The following PTMA variants were observed in gnomAD, a reference collection of about 807,000 sequenced individuals.
The protein encoded by PTMA is gene sequence 28.
PTMA carries 4 observed loss-of-function variants against 16.9 expected under a neutral mutation model. The observed-to-expected ratio is 0.24, with a 90% CI of 0.12 to 0.54. The LOEUF (loss-of-function observed/expected upper bound fraction) is 0.54, where lower values mean the gene tolerates loss of function less well. Among genes scored for constraint, PTMA ranks in the 20% least tolerant of loss-of-function variants. The probability of loss-of-function intolerance (pLI) is 0.95; values close to 1 mark genes in which losing one functional copy is unlikely to be tolerated. For synonymous variants in PTMA, 58 were observed against 47.9 expected, an observed-to-expected ratio of 1.21 and a Z score of -0.87; for missense variants, 120 against 137.7, an observed-to-expected ratio of 0.87 and a Z score of 0.64.
chr2:231,708,604 G>A lies in PTMA; in HGVS notation c.-103G>A, dbSNP rs11558928. On this transcript the variant is annotated 5_prime_UTR_variant, in exon 1 of 5. Transcript: ENST00000409115. ...TGCTCGCCGCAGCCGCCTCCGCCGC[G>A]CGCCTCCTCCGCCGCCGCGGACTCC... The A allele has an allele frequency of 1.0e-4, 147 of 1,464,642 alleles. No homozygotes were observed. In the African/African-American group the frequency reaches 1.8e-3, roughly 18 times the overall value. The allele number at this position is 1,464,642 out of a possible 1,614,324, so 90.7% of individuals were successfully genotyped here. A position where few individuals can be genotyped will look rare whatever the true frequency, so the allele number is the denominator to read the frequency against.
In PTMA at chr2:231,708,579, T is replaced by A; in HGVS notation, c.-128T>A. The A allele has an allele frequency of 6.2e-6, 7 of 1,138,152 alleles. No homozygotes were observed. The highest frequency in any genetic ancestry group is 5.0e-5 in the South Asian group (4 of 80,306). The allele number at this position is 1,138,152 out of a possible 1,614,324, so 70.5% of individuals were successfully genotyped here. A position where few individuals can be genotyped will look rare whatever the true frequency, so the allele number is the denominator to read the frequency against. On this transcript the variant is annotated 5_prime_UTR_variant, in exon 1 of 5. Coordinates refer to ENST00000409115, the MANE Select transcript of PTMA (RefSeq NM_002823.5). ...TTGCATTGTTCCTCATCCGCCTCCT[T>A]GCTCGCCGCAGCCGCCTCCGCCGCG...
chr2:231,709,208 G>A (rs2048483182), intron 1 of PTMA, among the ~76,000 whole-genome samples: 1 of 152,210 alleles, frequency 6.6e-6, no homozygotes, highest in Admixed American at 6.5e-5. Context: ...CGCCGGCCGC[G>A]CTGCTCTTTG....
chr2:231,712,582 G>T (rs1159361290), intron 4 of PTMA, 66 bp downstream of exon 4: 3 of 1,536,534 alleles, frequency 2.0e-6, no homozygotes, highest in Middle Eastern at 1.7e-4. Context: ...TTTAGCTGAG[G>T]TGCTCAAGCT....
intron 4 of PTMA, 44 bp downstream of exon 4, chr2:231,712,560 T>TC (rs753230369): frequency 4.4e-6 from 7 of 1,590,900 alleles, no homozygotes; most frequent in Admixed American, 3.4e-5. Flanking sequence ...CATCTGGGTC[T>TC]CCCCACCTGC....
In PTMA at chr2:231,708,577, C is replaced by T. The variant is rs11558929; in HGVS notation, c.-130C>T. On this transcript the variant is annotated 5_prime_UTR_variant, in exon 1 of 5. Coordinates refer to ENST00000409115, the MANE Select transcript of PTMA (RefSeq NM_002823.5). Reference sequence around the variant, plus strand: ...CTTTGCATTGTTCCTCATCCGCCTCCTTGCTCGCCGCAGCCGCCTCCGCCG... The same window carrying T: ...CTTTGCATTGTTCCTCATCCGCCTCTTTGCTCGCCGCAGCCGCCTCCGCCG... 4.2e-5 allele frequency: 47 copies of T among 1,120,598 alleles called. No individual in the cohort carries two copies. Among genetic ancestry groups the T allele is most frequent in the Non-Finnish European group, 5.4e-5 (41 of 755,830 alleles). The allele number at this position is 1,120,598 out of a possible 1,614,324, so 69.4% of individuals were successfully genotyped here.
At chr2:231,710,478 C>G in intron 1 of PTMA, 1 of 1,066,856 alleles carries the variant, frequency 9.4e-7, no homozygotes, top group Non-Finnish European at 1.2e-6. Flanking sequence ...AGCCGGGGTC[C>G]GCGGAGCGGA....
At chr2:231,709,719 G>C (rs894536248) in intron 1 of PTMA, 1 of 153,152 alleles carries the variant, frequency 6.5e-6, no homozygotes, top group African/African-American at 2.4e-5. Context: ...TGTCGGCGCC[G>C]CCTCGGTCCC....
chr2:231,710,308 G>A, intron 1 of PTMA: 1 of 1,251,538 alleles, frequency 8.0e-7, no homozygotes, highest in Non-Finnish European at 1.0e-6. Context: ...CAAGGCAAGG[G>A]ACGCACTCGG....
chr2:231,710,621 C>A (rs752026450), intron 1 of PTMA: 7 of 468,610 alleles, frequency 1.5e-5, no homozygotes, highest in South Asian at 9.5e-5. Flanking sequence ...GAAAAAGTTA[C>A]CGGGCGCCCG....
At chr2:231,712,129 A>C in intron 3 of PTMA, 146 bp downstream of exon 3, 1 of 1,416,418 alleles carries the variant, frequency 7.1e-7, no homozygotes, top group Non-Finnish European at 9.5e-7. Flanking sequence ...ACCCACCTGT[A>C]GAGTCAGGGA....
At chr2:231,711,074 C>T (rs2048512351) in intron 1 of PTMA, 1 of 329,660 alleles carries the variant, frequency 3.0e-6, no homozygotes, top group Non-Finnish European at 5.7e-6. Flanking sequence ...CTCCTTTTTC[C>T]TGGGAAGCGC....
rs371327509 is a variant in PTMA at position 231,710,579 on chromosome 2, A to C, written c.46-769A>C. The C allele has an allele frequency of 2.5e-3, 1,324 of 529,536 alleles. 12 individuals carry two copies. The highest frequency in any genetic ancestry group is 0.025 in the East Asian group (310 of 12,408). The allele number at this position is 529,536 out of a possible 1,614,324, so 32.8% of individuals were successfully genotyped here. On this transcript the variant is annotated intron_variant, in intron 1 of 4. Transcript: ENST00000409115. ...GGGTTCCCGCAGGCCCGGACGCCGG[A>C]CCTCTGTTGGTATTGGTGGCCGTGT... is the stretch of plus-strand genomic sequence containing the variant.
At chr2:231,710,096 C>A in intron 1 of PTMA, 1 of 1,239,370 alleles carries the variant, frequency 8.1e-7, no homozygotes, top group Non-Finnish European at 1.0e-6. Context: ...GAGTAGTAGC[C>A]CGAGAGGCGC....
At chr2:231,712,763 C>A in intron 4 of PTMA, 41 bp from the exon 5 acceptor site, 1 of 1,573,920 alleles carries the variant, frequency 6.4e-7, no homozygotes, top group Non-Finnish European at 8.6e-7. Flanking sequence ...GGATAGGGCT[C>A]CTGGGGTTGG....
chr2:231,713,439 T>G lies in PTMA; in HGVS notation c.*588T>G. ...GTTTCTTTTTTTTTCCTTTTTTGTC[T>G]ATGAAGTTGCTGTTTATTTTTTTTG... On this transcript the variant is annotated 3_prime_UTR_variant, in exon 5 of 5. Coordinates refer to ENST00000409115, the MANE Select transcript of PTMA (RefSeq NM_002823.5). 2.0e-6 allele frequency: 1 copy of G among 504,930 alleles called. No homozygotes were observed. Among genetic ancestry groups the G allele is most frequent in the Non-Finnish European group, 4.0e-6 (1 of 251,144 alleles). 31.3% of individuals were successfully genotyped at this position (504,930 alleles called of 1,614,324 possible).
chr2:231,712,397 A>G, intron 3 of PTMA, 46 bp from the exon 4 acceptor site: 1 of 1,577,234 alleles, frequency 6.3e-7, no homozygotes, highest in Non-Finnish European at 8.7e-7. Flanking sequence ...CCCAGGAGCC[A>G]CAGTAGGAGG....
chr2:231,711,328 T>G lies in PTMA; in HGVS notation c.46-20T>G. On this transcript the variant is annotated intron_variant, in intron 1 of 4. Transcript: ENST00000409115. ...GCTCAGAAGACTTACTGGTTACTGG[T>G]TCCTTCTTCCCTTTTGAAGGACTTA... The G allele has an allele frequency of 6.2e-7, 1 of 1,609,388 alleles. No homozygotes were observed. Among genetic ancestry groups the G allele is most frequent in the Non-Finnish European group, 8.5e-7 (1 of 1,175,766 alleles).
intron 3 of PTMA, 129 bp from the exon 4 acceptor site, chr2:231,712,314 T>G (rs529225841): frequency 2.2e-4 from 225 of 1,029,032 alleles, no homozygotes; most frequent in Non-Finnish European, 3.1e-4. Flanking sequence ...GTGGGTGCCC[T>G]GATTGGGCCC....
chr2:231,710,042 G>C (rs997389562), intron 1 of PTMA: 4 of 1,220,348 alleles, frequency 3.3e-6, no homozygotes, highest in Non-Finnish European at 3.1e-6. Flanking sequence ...CTGGCTGTTC[G>C]ATTTTCTCCG....
Sources: gnomAD v4.1 joint callset for allele counts (sites outside exome capture counted in the v4.1 genomes callset) on GRCh38, gnomAD v4.1.1 for gene constraint, MANE v1.5 for transcripts, NCBI Gene and HGNC (gene_info 2026-07-23, HGNC 2026-07-21) for gene names.